DNMT3A: variants seen among roughly 807,000 people sequenced by gnomAD.
The protein encoded by DNMT3A is DNA methyltransferase 3 alpha.
In DNMT3A, 267 loss-of-function variants were observed where a neutral mutation model predicts 117.6. The observed-to-expected ratio is 2.27, with a 90% CI of 2.05 to 2.51. DNMT3A has a LOEUF of 2.51. Among genes scored for constraint, DNMT3A ranks in the 30% most tolerant of loss-of-function variants. The pLI is 0.00. For synonymous variants in DNMT3A, 432 were observed against 474.8 expected (o/e 0.91, Z 1.17); for missense variants, 1,029 against 1,260.2 (o/e 0.82, Z 2.78).
At position 25,281,844 on chromosome 2, in the gene DNMT3A, C is replaced by A; in HGVS notation, c.448+597G>T. On this transcript the variant is annotated intron_variant, in intron 4 of 22. Transcript: ENST00000321117. The surrounding 1 kb of genome is among the most constrained non-coding windows in gnomAD (Gnocchi z 4.8). Reference sequence around the variant, plus strand: ...CCTGGGCTGGGCAGTACACAGAATACAATCACCCAGCCCTCTCCCCACGCC... The same window carrying A: ...CCTGGGCTGGGCAGTACACAGAATAAAATCACCCAGCCCTCTCCCCACGCC... The A allele has an allele frequency of 9.4e-7, 1 of 1,068,194 alleles. No individual in the cohort carries two copies. Among genetic ancestry groups the A allele is most frequent in the Non-Finnish European group, 1.1e-6 (1 of 881,084 alleles). The allele number at this position is 1,068,194 out of a possible 1,614,324, so 66.2% of individuals were successfully genotyped here.
chr2:25,250,941 C>A (rs1328490052), intron 6 of DNMT3A, among the ~76,000 whole-genome samples: 1 of 152,222 alleles, frequency 6.6e-6, no homozygotes, highest in Non-Finnish European at 1.5e-5. Flanking sequence ...AGCACTCCCC[C>A]ACGGCCCCTT....
intron 3 of DNMT3A, among the ~76,000 whole-genome samples, chr2:25,283,152 C>T (rs1017021217): frequency 2.6e-5 from 4 of 152,010 alleles, no homozygotes; most frequent in Non-Finnish European, 2.9e-5. Flanking sequence ...CACTTGAGGT[C>T]GGGAGTTTAA....
intron 6 of DNMT3A, among the ~76,000 whole-genome samples, chr2:25,262,710 A>G (rs1392016142): frequency 6.6e-6 from 1 of 152,142 alleles, no homozygotes; most frequent in Non-Finnish European, 1.5e-5. Flanking sequence ...TATGTGTCCA[A>G]TTCTCTTCCA....
chr2:25,245,222 C>T (rs372315365), intron 13 of DNMT3A, 31 bp downstream of exon 13: 62 of 1,608,134 alleles, frequency 3.9e-5, no homozygotes, highest in Middle Eastern at 1.7e-4. Context: ...CCGGCCTCAA[C>T]GGCACCTCTC....
rs1446042275 is a variant in DNMT3A, at chr2:25,240,857, CTGCAGGCTCACGACCCT to C, written c.2083-144_2083-128del. 3.4e-6 allele frequency: 3 copies of C among 874,066 alleles called. No homozygotes were observed. In the African/African-American group the frequency reaches 5.0e-5, roughly 15 times the overall value. The allele number at this position is 874,066 out of a possible 1,614,324, so 54.1% of individuals were successfully genotyped here. A position where few individuals can be genotyped will look rare whatever the true frequency, so the allele number is the denominator to read the frequency against. ...ACGAAAGAGAGGAGACCCAGCTGCT[CTGCAGGCTCACGACCCT>C]AGCTGCAACCATGGACAAGTCCTAA... On this transcript the variant is annotated intron_variant, in intron 17 of 22. Coordinates refer to ENST00000321117, the MANE Select transcript of DNMT3A (RefSeq NM_022552.5).
rs1290621612 is a variant in DNMT3A at position 25,247,062 on chromosome 2, C to A, written c.1111G>T (p.Glu371Ter). 2 of 1,613,906 alleles carry A rather than the reference C, an allele frequency of 1.2e-6. No homozygotes were observed. Among genetic ancestry groups the A allele is most frequent in the East Asian group, 2.2e-5 (1 of 44,890 alleles). Reference sequence around the variant, plus strand: ...GCAGGGACACTCACCTGCAGGACCTCGTAGATGGCTTTGCGGTACATGGGC... The same window carrying A: ...GCAGGGACACTCACCTGCAGGACCTAGTAGATGGCTTTGCGGTACATGGGC... ...KQPMYRKAIY[E>*]VLQVASSRAG... The change falls in exon 9 of 23, where the codon GAG becomes TAG. Residue 371 changes from glutamate (E) to a stop codon, truncating the protein, a stop_gained. Transcript: ENST00000321117. LOFTEE classifies it high-confidence loss of function. The surrounding 1 kb of genome is among the most constrained non-coding windows in gnomAD (Gnocchi z 5.6).
rs529419548 is a variant in DNMT3A at position 25,237,002 on chromosome 2, C to A, written c.2412G>T (p.Pro804=). ...FWGNLPGMNR[P]LASTVNDKLE... ...GCTTATCATTCACAGTGGATGCCAA[C>A]GGCCTAGGAGGCAGAAGAGAGACTG... Residue 804 remains proline (P), a synonymous_variant, in exon 21 of 23, where the codon CCG becomes CCT. Transcript: ENST00000321117. The surrounding 1 kb of genome is among the most constrained non-coding windows in gnomAD (Gnocchi z 5.4). 1.2e-6 allele frequency: 2 copies of A among 1,613,582 alleles called. No individual in the cohort carries two copies. The highest frequency in any genetic ancestry group is 1.7e-5 in the Admixed American group (1 of 59,956).
Position 25,241,900 on chromosome 2 carries a change from C to T in DNMT3A, c.1937-193G>A, listed in dbSNP as rs565165792. 57 of 679,516 alleles carry T rather than the reference C, an allele frequency of 8.4e-5. No individual in the cohort carries two copies. The African/African-American group carries it at 9.9e-4, about 12-fold the overall frequency. The allele number at this position is 679,516 out of a possible 1,614,324, so 42.1% of individuals were successfully genotyped here. ...CATAGTAAGGACATCGAGGCTCTGT[C>T]TCATGCCTCGTTTGGCCTATCTGGA... is the stretch of plus-strand genomic sequence containing the variant. On this transcript the variant is annotated intron_variant, in intron 16 of 22. Transcript: ENST00000321117.
chr2:25,247,969 G>A lies in DNMT3A; in HGVS notation c.855+68C>T. 6.2e-7 allele frequency: 1 copy of A among 1,602,644 alleles called. No homozygotes were observed. The highest frequency in any genetic ancestry group is 8.5e-7 in the Non-Finnish European group (1 of 1,174,332). On this transcript the variant is annotated intron_variant, in intron 7 of 22. Transcript: ENST00000321117. The surrounding 1 kb of genome is among the most constrained non-coding windows in gnomAD (Gnocchi z 5.6). ...GTGGGAGATGGAGAGAGGAGAGCAGGACGGGAGGAGCTGGCAGTGGAAGGC... is the reference window on the plus strand; with the variant it reads ...GTGGGAGATGGAGAGAGGAGAGCAGAACGGGAGGAGCTGGCAGTGGAAGGC...
At chr2:25,255,429 G>A (rs1676024369) in intron 6 of DNMT3A, among the ~76,000 whole-genome samples, 4 of 152,216 alleles carry the variant, frequency 2.6e-5, no homozygotes. Context: ...GTTGAAAGGA[G>A]GAACTCCTGG....
At chr2:25,285,429 A>T (rs1461335167) in intron 3 of DNMT3A, among the ~76,000 whole-genome samples, 1 of 152,250 alleles carries the variant, frequency 6.6e-6, no homozygotes, top group African/African-American at 2.4e-5. Flanking sequence ...CACAGGGAGC[A>T]GCCGGAGAGG....
intron 13 of DNMT3A, among the ~76,000 whole-genome samples, 187 bp downstream of exon 13, chr2:25,245,066 G>C (rs1456480651): frequency 6.6e-6 from 1 of 152,228 alleles, no homozygotes; most frequent in Non-Finnish European, 1.5e-5. Context: ...AAAAATGAGA[G>C]CAAGTCAAAA....
chr2:25,274,804 A>C, intron 6 of DNMT3A, 137 bp downstream of exon 6: 1 of 1,245,328 alleles, frequency 8.0e-7, no homozygotes, highest in Non-Finnish European at 1.1e-6. Context: ...GGAGCAGATG[A>C]ACCAGTCATC....
rs2032959280 is a variant in DNMT3A, at chr2:25,294,348, C to T, written c.177+5791G>A. On this transcript the variant is annotated intron_variant, in intron 3 of 22. Transcript: ENST00000321117. The surrounding 1 kb of genome is among the most constrained non-coding windows in gnomAD (Gnocchi z 4.7). ...GCTGCAAGGTTCATAACCATAGGCTCTACCTCACAAGCAGTGTGTCGGCCT... is the reference window on the plus strand; with the variant it reads ...GCTGCAAGGTTCATAACCATAGGCTTTACCTCACAAGCAGTGTGTCGGCCT... 6.6e-6 allele frequency among the ~76,000 whole-genome samples: 1 copy of T among 152,082 alleles called. No individual in the cohort carries two copies. The highest frequency in any genetic ancestry group is 2.4e-5 in the African/African-American group (1 of 41,390).
At chr2:25,250,680 G>C (rs1237804711) in intron 6 of DNMT3A, among the ~76,000 whole-genome samples, 1 of 152,290 alleles carries the variant, frequency 6.6e-6, no homozygotes, top group Non-Finnish European at 1.5e-5. Context: ...CCCACACCAC[G>C]CCGCTGCTCC....
intron 6 of DNMT3A, among the ~76,000 whole-genome samples, chr2:25,251,701 G>C (rs1001270620): frequency 6.6e-6 from 1 of 152,204 alleles, no homozygotes; most frequent in African/African-American, 2.4e-5. Flanking sequence ...TCTTTCTGGC[G>C]GCCTGCCTGG....
intron 1 of DNMT3A, chr2:25,328,517 A>T (rs1238977194): frequency 2.4e-6 from 1 of 418,868 alleles, no homozygotes; most frequent in East Asian, 7.3e-5. Context: ...TTCCATGCGT[A>T]TATAGATGTG....
intron 6 of DNMT3A, among the ~76,000 whole-genome samples, chr2:25,271,234 C>T (rs561355838): frequency 6.6e-6 from 1 of 152,254 alleles, no homozygotes; most frequent in South Asian, 2.1e-4. Flanking sequence ...GTGATCCCAG[C>T]CACTCGGGAG....
At chr2:25,341,286 C>T (rs2035434356) in intron 1 of DNMT3A, among the ~76,000 whole-genome samples, 1 of 144,782 alleles carries the variant, frequency 6.9e-6, no homozygotes, top group African/African-American at 2.5e-5. Flanking sequence ...TGCGCGGGGC[C>T]CGGCCCCCGC....
Sources: allele counts gnomAD v4.1 joint callset (sites outside exome capture counted in the v4.1 genomes callset), GRCh38; gene constraint gnomAD v4.1.1; non-coding constraint Gnocchi (gnomAD v3.1); transcripts MANE v1.5; gene names NCBI Gene and HGNC (gene_info 2026-07-23, HGNC 2026-07-21).